Variants in AKT1 observed in about 807,000 individuals in gnomAD.
AKT1 encodes the protein RAC-alpha serine/threonine-protein kinase.
AKT1 carries 21 observed loss-of-function variants against 63.1 expected under a neutral mutation model. That is an observed-to-expected ratio of 0.33 (90% CI 0.24 to 0.48). The LOEUF is 0.48. Ranked by LOEUF, AKT1 falls within the 20% of genes least tolerant of loss-of-function variation. The pLI, the probability that AKT1 is intolerant of heterozygous loss-of-function variation, is 0.99. For missense variants in AKT1, 382 were observed against 666.0 expected, an observed-to-expected ratio of 0.57 and a Z score of 4.69; for synonymous variants, 257 against 253.1, an observed-to-expected ratio of 1.02 and a Z score of -0.15.
intron 3 of AKT1, among the ~76,000 whole-genome samples, chr14:104,790,868 G>T (rs1243417307): frequency 6.6e-6 from 1 of 152,212 alleles, no homozygotes; most frequent in African/African-American, 2.4e-5. Flanking sequence ...CCCTGGTGTA[G>T]ATGGGGAAAC....
intron 8 of AKT1, chr14:104,774,710 C>A (rs1249560120): frequency 2.2e-5 from 13 of 582,848 alleles, no homozygotes; most frequent in Middle Eastern, 4.6e-4. Flanking sequence ...ACCAGGGCCA[C>A]CTGCCCCACC....
At chr14:104,793,629 G>C (rs1467869191) in intron 1 of AKT1, 1 of 170,572 alleles carries the variant, frequency 5.9e-6, no homozygotes, top group East Asian at 1.1e-4. Context: ...CAAGTAAGTG[G>C]GGGAGCACTG....
At position 104,775,682 on chromosome 14, in the gene AKT1, C is replaced by G; in HGVS notation, c.405G>C (p.Glu135Asp). Residue 135 changes from glutamate to aspartate, a missense_variant, in exon 6 of 15, where the codon GAG becomes GAC. By Grantham distance (45) the Glu-to-Asp change is conservative. Coordinates refer to ENST00000649815, the MANE Select transcript of AKT1 (RefSeq NM_001382430.1). Reference protein sequence around the residue: ...PSDNSGAEEMEVSLAKPKHRV... With the variant: ...PSDNSGAEEMDVSLAKPKHRV... ...GGTGCTTGGGCTTGGCCAGGGACAC[C>G]TCCATCTCTTCAGCCCCTGAGTTGT... 4.3e-6 allele frequency: 7 copies of G among 1,614,088 alleles called. No individual in the cohort carries two copies. The highest frequency in any genetic ancestry group is 5.9e-6 in the Non-Finnish European group (7 of 1,179,988).
chr14:104,790,834 C>T (rs1337478954), intron 3 of AKT1, among the ~76,000 whole-genome samples: 1 of 152,194 alleles, frequency 6.6e-6, no homozygotes, highest in Non-Finnish European at 1.5e-5. Flanking sequence ...CTCCACTCCA[C>T]CAGGTCTCTC....
chr14:104,770,996 C>G (rs1016867432), intron 13 of AKT1, 149 bp from the exon 14 acceptor site: 20 of 667,406 alleles, frequency 3.0e-5, no homozygotes, highest in Admixed American at 2.0e-4. Flanking sequence ...ACCAGCCCCC[C>G]ACAGAGGCAG....
rs1023703361 is a variant in AKT1, at chr14:104,769,690, C to T, written c.*651G>A. The T allele has an allele frequency of 6.5e-6, 3 of 462,904 alleles. No individual in the cohort carries two copies. Among genetic ancestry groups the T allele is most frequent in the Admixed American group, 6.0e-5 (2 of 33,502 alleles). The allele number at this position is 462,904 out of a possible 1,614,324, so 28.7% of individuals were successfully genotyped here. On this transcript the variant is annotated 3_prime_UTR_variant, in exon 15 of 15. Transcript: ENST00000649815. ...ACAAAGATTAAAAACCCCCAAAATG[C>T]ATTTGAACAACATAATACACAATAA...
intron 4 of AKT1, among the ~76,000 whole-genome samples, chr14:104,778,884 C>A (rs1246864571): frequency 6.6e-6 from 1 of 152,192 alleles, no homozygotes; most frequent in Admixed American, 6.5e-5. Context: ...TGGTGGGCAC[C>A]TCGCTCTGCA....
chr14:104,770,948 G>C (rs1892350548), intron 13 of AKT1, 101 bp from the exon 14 acceptor site: 7 of 1,051,904 alleles, frequency 6.7e-6, no homozygotes, highest in African/African-American at 4.7e-5. Flanking sequence ...ATCTCCAAGG[G>C]GTCTCCAGGC....
intron 3 of AKT1, among the ~76,000 whole-genome samples, chr14:104,790,017 A>C (rs1287631510): frequency 6.6e-6 from 1 of 152,208 alleles, no homozygotes; most frequent in Admixed American, 6.5e-5. Flanking sequence ...CCCAAGGAGC[A>C]GGAGAAGGAG....
chr14:104,792,858 C>T (rs1032102313), intron 2 of AKT1, 136 bp from the exon 3 acceptor site: 4 of 618,214 alleles, frequency 6.5e-6, no homozygotes, highest in East Asian at 5.5e-5. Flanking sequence ...GCTGCCATCC[C>T]TCTAAGCTCT....
At chr14:104,778,660 T>C (rs1364786316) in intron 4 of AKT1, 1 of 152,268 alleles carries the variant, frequency 6.6e-6, no homozygotes, top group African/African-American at 2.4e-5. Flanking sequence ...CACCTCCCCT[T>C]ATACGTGCAG....
intron 6 of AKT1, 146 bp downstream of exon 6, chr14:104,775,506 C>A (rs1376312366): frequency 8.2e-7 from 1 of 1,220,492 alleles, no homozygotes; most frequent in Non-Finnish European, 1.1e-6. Flanking sequence ...TGGGAAGCAG[C>A]TGCGCCCTAC....
chr14:104,784,843 G>A (rs1385792329), intron 3 of AKT1, among the ~76,000 whole-genome samples: 1 of 152,200 alleles, frequency 6.6e-6, no homozygotes, highest in Non-Finnish European at 1.5e-5. Flanking sequence ...CCAGCTGGTG[G>A]CCCTCCACGT....
rs116684055 is a variant in AKT1, at chr14:104,783,651, C to T, written c.47-3435G>A. Among the ~76,000 whole-genome samples, 331 of 152,244 alleles carry T rather than the reference C, an allele frequency of 2.2e-3. 1 individual carries two copies. The highest frequency in any genetic ancestry group is 7.7e-3 in the African/African-American group (320 of 41,534). On this transcript the variant is annotated intron_variant, in intron 3 of 14. Coordinates refer to ENST00000649815, the MANE Select transcript of AKT1 (RefSeq NM_001382430.1). ...GGCAACAAATGGGGAGGCCAGGGCACGCCCCACCCCACACACAGCCAGAGT... is the reference window on the plus strand; with the variant it reads ...GGCAACAAATGGGGAGGCCAGGGCATGCCCCACCCCACACACAGCCAGAGT...
chr14:104,771,606 T>C (rs1032125479), intron 13 of AKT1: 7 of 232,974 alleles, frequency 3.0e-5, no homozygotes, highest in African/African-American at 1.5e-4. Context: ...GCACCCTGTG[T>C]TAATGGGAGA....
chr14:104,773,190 A>G (rs946932540), intron 11 of AKT1, 61 bp downstream of exon 11: 19 of 1,612,204 alleles, frequency 1.2e-5, no homozygotes, highest in Non-Finnish European at 1.4e-5. Context: ...AGGACACAGC[A>G]TTGCGTGTGC....
At chr14:104,772,285 G>A in intron 13 of AKT1, 80 bp downstream of exon 13, 1 of 1,477,126 alleles carries the variant, frequency 6.8e-7, no homozygotes, top group Non-Finnish European at 9.4e-7. Flanking sequence ...TGGGAAATCT[G>A]GCGAGCGTGC....
intron 1 of AKT1, chr14:104,793,956 A>T (rs1238023522): frequency 6.6e-6 from 1 of 152,240 alleles, no homozygotes; most frequent in Non-Finnish European, 1.5e-5. Flanking sequence ...TTCCACAGCC[A>T]GCTTAGACGC....
intron 3 of AKT1, among the ~76,000 whole-genome samples, chr14:104,790,637 C>A (rs1595263086): frequency 6.6e-6 from 1 of 152,330 alleles, no homozygotes; most frequent in African/African-American, 2.4e-5. Flanking sequence ...CTATGCCTGC[C>A]AAGGGCATAT....
Sources: allele counts gnomAD v4.1 joint callset (sites outside exome capture counted in the v4.1 genomes callset), GRCh38; gene constraint gnomAD v4.1.1; transcripts MANE v1.5; gene names NCBI Gene and HGNC (gene_info 2026-07-23, HGNC 2026-07-21).